The following WAPL variants were observed in gnomAD, a reference collection of about 807,000 sequenced individuals.
The protein encoded by WAPL is WAPL cohesin release factor, also known as wings apart-like protein homolog.
Under a neutral mutation model 121.0 loss-of-function variants are expected in WAPL, and 5 were observed. The observed-to-expected ratio is 0.04, with a 90% CI of 0.02 to 0.09. WAPL has a LOEUF of 0.09. Ranked by LOEUF, WAPL falls within the 10% of genes least tolerant of loss-of-function variation. The pLI, the probability that WAPL is intolerant of heterozygous loss-of-function variation, is 1.00. For missense variants in WAPL, 999 were observed against 1,410.8 expected (o/e 0.71, Z 4.68); for synonymous variants, 480 against 481.5 (o/e 1.00, Z 0.04).
At chr10:86,451,701 A>G (rs1166210297) in intron 15 of WAPL, among the ~76,000 whole-genome samples, 3 of 152,068 alleles carry the variant, frequency 2.0e-5, no homozygotes, top group Admixed American at 1.3e-4. Context: ...CCTATACCAC[A>G]TTTTTAATTG....
At chr10:86,461,727 T>G (rs1841278895) in intron 9 of WAPL, among the ~76,000 whole-genome samples, 1 of 152,246 alleles carries the variant, frequency 6.6e-6, no homozygotes, top group Non-Finnish European at 1.5e-5. Context: ...CATTTTTGTC[T>G]GAGGGTACAA....
At chr10:86,495,494 C>T (rs1307438705) in intron 4 of WAPL, among the ~76,000 whole-genome samples, 5 of 151,448 alleles carry the variant, frequency 3.3e-5, no homozygotes, top group Non-Finnish European at 7.4e-5. Flanking sequence ...ATAAAGTTGG[C>T]CCTAACCTTA....
chr10:86,443,152 G>A (rs1000259895), intron 17 of WAPL, 123 bp downstream of exon 17: 7 of 664,432 alleles, frequency 1.1e-5, no homozygotes, highest in Non-Finnish European at 1.7e-5. Flanking sequence ...AGCCTTTGTG[G>A]AATAAGTTGG....
At chr10:86,462,025 A>T (rs557002859) in intron 9 of WAPL, among the ~76,000 whole-genome samples, 16 of 152,204 alleles carry the variant, frequency 1.1e-4, no homozygotes, top group Non-Finnish European at 2.4e-4. Flanking sequence ...GTATACAAAT[A>T]ATGCTTTAGG....
chr10:86,443,977 T>C (rs1001976188), intron 16 of WAPL: 1 of 153,632 alleles, frequency 6.5e-6, no homozygotes, highest in African/African-American at 2.4e-5. Context: ...TAAGCCCTGA[T>C]CGTGCCACTG....
At chr10:86,454,957 C>G (rs1186161817) in intron 12 of WAPL, among the ~76,000 whole-genome samples, 1 of 151,318 alleles carries the variant, frequency 6.6e-6, no homozygotes, top group Non-Finnish European at 1.5e-5. Flanking sequence ...CCCCTCCGCC[C>G]GGCAGCCGCC....
At position 86,517,767 on chromosome 10, in the gene WAPL, A is replaced by C. The variant is rs371813045; in HGVS notation, c.303T>G (p.Ser101Arg). The C allele has an allele frequency of 6.2e-7, 1 of 1,614,094 alleles. No homozygotes were observed. The highest frequency in any genetic ancestry group is 1.3e-5 in the African/African-American group (1 of 74,946). ...QVKCSSYSES[S>R]EAAQLEEVTS... The stretch of plus-strand genomic sequence containing the variant: ...TGACCTCTTCCAACTGAGCAGCTTC[A>C]CTAGATTCTGAATAAGAGGAACACT... The change falls in exon 2 of 19, where the codon AGT becomes AGG. Residue 101 changes from serine to arginine, a missense_variant. Ser to Arg is a moderately radical substitution (Grantham distance 110). This residue lies in a region of WAPL where 531 missense variants were observed against 563.1 expected (regional missense o/e 0.94). Coordinates refer to ENST00000298767, the MANE Select transcript of WAPL (RefSeq NM_015045.5).
chr10:86,497,287 C>T lies in WAPL; in HGVS notation c.1558G>A (p.Val520Met), dbSNP rs756325425. 2 of 1,612,224 alleles carry T rather than the reference C, an allele frequency of 1.2e-6. No individual in the cohort carries two copies. Among genetic ancestry groups the T allele is most frequent in the African/African-American group, 2.7e-5 (2 of 74,776 alleles). ...NLDFTEDLPG[V>M]PESVKKPINK... ...ATGGGCTTCTTCACACTTTCAGGCA[C>T]ACCAGGCAAGTCCTCTGTAAAATCC... Residue 520 changes from valine (V) to methionine (M), a missense_variant, in exon 4 of 19, where the codon GTG becomes ATG. This residue lies in a region of WAPL where 531 missense variants were observed against 563.1 expected (regional missense o/e 0.94). Transcript: ENST00000298767.
intron 12 of WAPL, among the ~76,000 whole-genome samples, chr10:86,454,360 CTCTCCCTCTCCCTCTCCCTCCACAA>C (rs879865129): frequency 5.3e-5 from 8 of 151,670 alleles, no homozygotes; most frequent in South Asian, 2.1e-4. Flanking sequence ...AGGATTCTCG[CTCTCCCTCTCCCTCTCCCTCCACAA>C]TCTCCCTCTC....
intron 12 of WAPL, among the ~76,000 whole-genome samples, chr10:86,454,773 C>A (rs1463346968): frequency 6.6e-6 from 1 of 150,762 alleles, no homozygotes; most frequent in Admixed American, 6.6e-5. Context: ...GCCGCCATCC[C>A]GTCTGGGAAG....
chr10:86,518,081 T>A lies in WAPL; in HGVS notation c.-12A>T. 1.9e-6 allele frequency: 3 copies of A among 1,604,014 alleles called. No homozygotes were observed. The highest frequency in any genetic ancestry group is 2.6e-6 in the Non-Finnish European group (3 of 1,175,056). Reference sequence around the variant, plus strand: ...AATCTGGATGTCATTTTGACACCAGTTTCATATTCTCTGTGAAAAAAAATT... The same window carrying A: ...AATCTGGATGTCATTTTGACACCAGATTCATATTCTCTGTGAAAAAAAATT... On this transcript the variant is annotated 5_prime_UTR_variant, in exon 2 of 19. Transcript: ENST00000298767.
At chr10:86,516,577 T>C (rs540704683) in intron 2 of WAPL, among the ~76,000 whole-genome samples, 1 of 152,244 alleles carries the variant, frequency 6.6e-6, no homozygotes, top group South Asian at 2.1e-4. Context: ...CTTATCCTAA[T>C]GCTGATAGAG....
At chr10:86,491,662 G>T (rs1456754882) in intron 4 of WAPL, among the ~76,000 whole-genome samples, 1 of 151,252 alleles carries the variant, frequency 6.6e-6, no homozygotes, top group Non-Finnish European at 1.5e-5. Context: ...AAAGATGACA[G>T]GTTATTTCAA....
At chr10:86,518,192 ACACT>A (rs1842598040) in intron 1 of WAPL, 101 bp from the exon 2 acceptor site, 2 of 1,124,008 alleles carry the variant, frequency 1.8e-6, no homozygotes, top group East Asian at 2.6e-5. Context: ...ATGACTTTTG[ACACT>A]CACCACACAG....
chr10:86,520,037 T>G (rs972334748), intron 1 of WAPL, among the ~76,000 whole-genome samples: 4 of 152,240 alleles, frequency 2.6e-5, no homozygotes, highest in African/African-American at 9.6e-5. Flanking sequence ...AGGTCACGCC[T>G]GTAATTCCAG....
intron 9 of WAPL, among the ~76,000 whole-genome samples, chr10:86,462,254 A>C (rs530592262): frequency 2.0e-5 from 3 of 152,302 alleles, no homozygotes; most frequent in South Asian, 2.1e-4. Context: ...TTTCTCCCTA[A>C]GTTTCTCCCC....
intron 12 of WAPL, among the ~76,000 whole-genome samples, chr10:86,455,232 T>C (rs1367782583): frequency 6.6e-6 from 1 of 152,262 alleles, no homozygotes; most frequent in African/African-American, 2.4e-5. Flanking sequence ...GATGGCAGTT[T>C]TGTCGAACAG....
intron 2 of WAPL, among the ~76,000 whole-genome samples, chr10:86,504,538 G>A (rs1459098955): frequency 1.3e-5 from 2 of 149,030 alleles, no homozygotes; most frequent in Non-Finnish European, 3.0e-5. Flanking sequence ...TTAGCCGGGC[G>A]TAGTAGCACA....
chr10:86,480,345 T>C (rs932911290), intron 4 of WAPL, among the ~76,000 whole-genome samples: 8 of 152,204 alleles, frequency 5.3e-5, no homozygotes, highest in African/African-American at 1.7e-4. Context: ...TTATTAAAAG[T>C]AGGTAACTGT....
Sources: gnomAD v4.1 joint callset for allele counts (sites outside exome capture counted in the v4.1 genomes callset) on GRCh38, gnomAD v4.1.1 for gene constraint, gnomAD v4.1.1 regional missense constraint, MANE v1.5 for transcripts, NCBI Gene and HGNC (gene_info 2026-07-23, HGNC 2026-07-21) for gene names.